Variants in TCF7L1 observed in about 807,000 individuals in gnomAD.
The protein encoded by TCF7L1 is transcription factor 7 like 1.
In TCF7L1, 18 loss-of-function variants were observed where a neutral mutation model predicts 63.7. The ratio of observed to expected loss-of-function variants is 0.28; its 90% CI spans 0.20 to 0.42. TCF7L1 has a LOEUF of 0.42. TCF7L1 is among the 10% of genes least tolerant of loss of function. TCF7L1 has a pLI of 1.00. For synonymous variants in TCF7L1, 355 were observed against 340.9 expected (o/e 1.04, Z -0.46); for missense variants, 654 against 779.3 (o/e 0.84, Z 1.91).
At chr2:85,146,497 CTTTTTT>C (rs554058692) in intron 3 of TCF7L1, among the ~76,000 whole-genome samples, 1 of 103,604 alleles carries the variant, frequency 9.7e-6, no homozygotes, top group African/African-American at 3.8e-5. Context: ...TTCTTTCTTT[CTTTTTT>C]TTTTTTTTTT....
chr2:85,248,866 C>A (rs947230898), intron 3 of TCF7L1, among the ~76,000 whole-genome samples: 1 of 152,300 alleles, frequency 6.6e-6, no homozygotes, highest in African/African-American at 2.4e-5. Flanking sequence ...TGAGGATTGA[C>A]ATTTCCTTTA....
At chr2:85,232,594 G>T (rs1387597796) in intron 3 of TCF7L1, among the ~76,000 whole-genome samples, 1 of 152,102 alleles carries the variant, frequency 6.6e-6, no homozygotes, top group Non-Finnish European at 1.5e-5. Flanking sequence ...CAGCATATGG[G>T]CATTAAACCC....
rs564012706 is a variant in TCF7L1, at chr2:85,308,383, C to T, written c.1334-646C>T. Among the ~76,000 whole-genome samples, 378 of 141,454 alleles carry T rather than the reference C, an allele frequency of 2.7e-3. 5 individuals carry two copies. The highest frequency in any genetic ancestry group is 4.9e-3 in the Non-Finnish European group (308 of 63,124). The allele number at this position is 141,454 out of a possible 152,430, so 92.8% of individuals were successfully genotyped here. ...TCCCTTTCTTCCTCCCTCCCTTTCA[C>T]CTTCCCTCCCATTCTCCTTCCCTCC... On this transcript the variant is annotated intron_variant, in intron 11 of 11. Coordinates refer to ENST00000282111, the MANE Select transcript of TCF7L1 (RefSeq NM_031283.3).
At chr2:85,227,236 A>G (rs1272624192) in intron 3 of TCF7L1, among the ~76,000 whole-genome samples, 1 of 152,172 alleles carries the variant, frequency 6.6e-6, no homozygotes, top group Non-Finnish European at 1.5e-5. Flanking sequence ...AGCTCCGCTC[A>G]CTGCATTGCT....
chr2:85,290,200 T>C (rs534878788), intron 4 of TCF7L1, among the ~76,000 whole-genome samples: 3 of 151,704 alleles, frequency 2.0e-5, no homozygotes. Context: ...AGGCTGGTCT[T>C]GAACTCCTGA....
In TCF7L1 at chr2:85,306,341, C is replaced by A. The variant is rs745946720; in HGVS notation, c.1125C>A (p.Ala375=). Residue 375 remains alanine (A), a synonymous_variant, in exon 9 of 12, where the codon GCC becomes GCA. Transcript: ENST00000282111. This position sits in a 1 kb window ranked among gnomAD's most constrained non-coding sequence, Gnocchi z 4.3. ...AGTGCACCCTGAAGGAAAGTGCAGC[C>A]ATTAACCAGATCCTTGGAAGAAAGG... ...VAECTLKESA[A]INQILGRKWH... 6.2e-7 allele frequency: 1 copy of A among 1,614,110 alleles called. No homozygotes were observed. The highest frequency in any genetic ancestry group is 1.3e-5 in the African/African-American group (1 of 74,932).
At chr2:85,280,567 T>C (rs1422242409) in intron 3 of TCF7L1, among the ~76,000 whole-genome samples, 1 of 152,082 alleles carries the variant, frequency 6.6e-6, no homozygotes, top group Non-Finnish European at 1.5e-5. Context: ...GCTGGTAGAG[T>C]TGATGGATTT....
At chr2:85,277,824 A>G (rs532158753) in intron 3 of TCF7L1, among the ~76,000 whole-genome samples, 2 of 152,142 alleles carry the variant, frequency 1.3e-5, no homozygotes, top group African/African-American at 4.8e-5. Context: ...GCCCTGCTTA[A>G]AGGCTTTTCT....
intron 3 of TCF7L1, among the ~76,000 whole-genome samples, chr2:85,263,859 G>A (rs1236630407): frequency 6.6e-6 from 1 of 152,264 alleles, no homozygotes; most frequent in Admixed American, 6.5e-5. Flanking sequence ...GGAGCGGCTG[G>A]AGGAGTAAGT....
intron 3 of TCF7L1, among the ~76,000 whole-genome samples, chr2:85,160,741 A>G (rs914811875): frequency 6.6e-6 from 1 of 151,128 alleles, no homozygotes; most frequent in Admixed American, 6.6e-5. Flanking sequence ...TGTCCCAACT[A>G]CTCAGGAGGC....
Position 85,134,457 on chromosome 2 carries a change from G to A in TCF7L1, c.441+7G>A, listed in dbSNP as rs776356952. On this transcript the variant is annotated splice_region_variant and intron_variant, in intron 3 of 11. Coordinates refer to ENST00000282111, the MANE Select transcript of TCF7L1 (RefSeq NM_031283.3). The surrounding 1 kb of genome is among the most constrained non-coding windows in gnomAD (Gnocchi z 5.0). The stretch of plus-strand genomic sequence containing the variant: ...TCCCGGAGGAGCGCGCACCGTGAGT[G>A]CCCGTCGGGCGCGCCGGGGAGGGTG... The A allele has an allele frequency of 2.3e-5, 36 of 1,550,122 alleles. 1 individual carries two copies. In the South Asian group the frequency reaches 4.3e-4, roughly 18 times the overall value.
intron 4 of TCF7L1, among the ~76,000 whole-genome samples, chr2:85,299,469 T>C (rs1681911886): frequency 6.7e-6 from 1 of 149,942 alleles, no homozygotes; most frequent in African/African-American, 2.4e-5. Context: ...GGAGAATCGC[T>C]TGAACCCAGG....
At chr2:85,262,377 C>A in intron 3 of TCF7L1, 3 of 427,178 alleles carry the variant, frequency 7.0e-6, no homozygotes, top group South Asian at 2.0e-5. Flanking sequence ...AGAATCAAGA[C>A]ACCGTCTCTT....
intron 3 of TCF7L1, among the ~76,000 whole-genome samples, chr2:85,185,295 T>C (rs976260443): frequency 6.6e-6 from 1 of 151,930 alleles, no homozygotes; most frequent in Non-Finnish European, 1.5e-5. Context: ...TGTTGCTCTG[T>C]CACCCAGGCT....
intron 3 of TCF7L1, among the ~76,000 whole-genome samples, chr2:85,146,583 C>CCT (rs1180800586): frequency 1.3e-5 from 2 of 149,232 alleles, no homozygotes; most frequent in East Asian, 3.9e-4. Flanking sequence ...CTCACTGCAA[C>CCT]CTCCGTCTCC....
At chr2:85,191,611 G>A (rs1432991838) in intron 3 of TCF7L1, among the ~76,000 whole-genome samples, 1 of 152,208 alleles carries the variant, frequency 6.6e-6, no homozygotes, top group Non-Finnish European at 1.5e-5. Context: ...CAGATCACGA[G>A]GTCAGGAGTT....
At chr2:85,283,674 C>A in intron 4 of TCF7L1, 96 bp downstream of exon 4, 1 of 1,329,810 alleles carries the variant, frequency 7.5e-7, no homozygotes, top group Non-Finnish European at 1.1e-6. Flanking sequence ...AGATGGGGTC[C>A]AACAGTGTTT....
intron 3 of TCF7L1, chr2:85,166,802 G>A (rs1417895176): frequency 6.6e-6 from 1 of 152,246 alleles, no homozygotes; most frequent in Non-Finnish European, 1.5e-5. Context: ...CAGGACATCT[G>A]ATTAAGTGGA....
chr2:85,219,464 CAT>C (rs1572997016), intron 3 of TCF7L1, among the ~76,000 whole-genome samples: 1 of 152,212 alleles, frequency 6.6e-6, no homozygotes, highest in East Asian at 1.9e-4. Context: ...CTAGAAACAA[CAT>C]ATGTGGCCAT....
Sources: gnomAD v4.1 joint callset for allele counts (sites outside exome capture counted in the v4.1 genomes callset) on GRCh38, gnomAD v4.1.1 for gene constraint, Gnocchi (gnomAD v3.1) non-coding constraint, MANE v1.5 for transcripts, NCBI Gene and HGNC (gene_info 2026-07-23, HGNC 2026-07-21) for gene names.